The following DCC variants were observed in gnomAD, a reference collection of about 807,000 sequenced individuals.
DCC encodes the protein netrin receptor DCC.
DCC carries 58 observed loss-of-function variants against 172.5 expected under a neutral mutation model. That is an observed-to-expected ratio of 0.34 (90% CI 0.27 to 0.42). The LOEUF (loss-of-function observed/expected upper bound fraction) is 0.42. Ranked by LOEUF, DCC falls within the 10% of genes least tolerant of loss-of-function variation. The pLI is 1.00. For synonymous variants in DCC, 709 were observed against 644.5 expected (o/e 1.10, Z -1.52); for missense variants, 1,740 against 1,791.0 (o/e 0.97, Z 0.51).
At chr18:53,317,566 C>T (rs1599018654) in intron 13 of DCC, among the ~76,000 whole-genome samples, 1 of 152,124 alleles carries the variant, frequency 6.6e-6, no homozygotes, top group Non-Finnish European at 1.5e-5. Context: ...GCCAGCTCAT[C>T]GTTTTACCTG....
At chr18:53,292,503 A>G (rs1469292059) in intron 12 of DCC, among the ~76,000 whole-genome samples, 11 of 152,124 alleles carry the variant, frequency 7.2e-5, no homozygotes, top group Admixed American at 7.2e-4. Flanking sequence ...CCTGCCCAAA[A>G]TGGCAAAACC....
At chr18:53,426,983 C>A (rs1019453991) in intron 21 of DCC, among the ~76,000 whole-genome samples, 1 of 152,118 alleles carries the variant, frequency 6.6e-6, no homozygotes, top group Non-Finnish European at 1.5e-5. Context: ...CCTCTTCTTC[C>A]CGGGATGCTT....
intron 2 of DCC, among the ~76,000 whole-genome samples, chr18:52,823,916 G>A (rs1010282613): frequency 6.6e-6 from 1 of 152,210 alleles, no homozygotes; most frequent in African/African-American, 2.4e-5. Flanking sequence ...TAGAGAAGGT[G>A]TAATGCCTGC....
intron 26 of DCC, among the ~76,000 whole-genome samples, chr18:53,492,829 T>C (rs969521926): frequency 6.6e-6 from 1 of 152,176 alleles, no homozygotes; most frequent in African/African-American, 2.4e-5. Context: ...CCATATGAAA[T>C]TTAAAGTAGT....
intron 1 of DCC, among the ~76,000 whole-genome samples, chr18:52,558,836 A>C (rs2032974127): frequency 6.6e-6 from 1 of 152,210 alleles, no homozygotes; most frequent in South Asian, 2.1e-4. Flanking sequence ...TGTTCTCATA[A>C]ATTAACTGGT....
intron 22 of DCC, among the ~76,000 whole-genome samples, chr18:53,442,821 A>G (rs142147306): frequency 9.8e-5 from 15 of 152,332 alleles, no homozygotes; most frequent in Admixed American, 3.3e-4. Context: ...ACATGAAGAA[A>G]GTTTTTGTGG....
rs954201705 is a variant in DCC, at chr18:53,424,953, C to T, written c.3163+8797C>T. On this transcript the variant is annotated intron_variant, in intron 21 of 28. Transcript: ENST00000442544. ...GAAGGCCTGCCTGCTCCCTTGTATCCCGAGCCCTGGAAACCCATCCACTCT... is the reference window on the plus strand; with the variant it reads ...GAAGGCCTGCCTGCTCCCTTGTATCTCGAGCCCTGGAAACCCATCCACTCT... 2.0e-5 allele frequency among the ~76,000 whole-genome samples: 3 copies of T among 152,162 alleles called. No individual in the cohort carries two copies. In the East Asian group the frequency reaches 5.8e-4, roughly 29 times the overall value.
At chr18:52,563,626 G>A (rs371464855) in intron 1 of DCC, among the ~76,000 whole-genome samples, 59 of 152,130 alleles carry the variant, frequency 3.9e-4, no homozygotes, top group African/African-American at 1.3e-3. Context: ...ATGCCTTTTT[G>A]CATTTGTATA....
At chr18:52,343,791 G>A (rs1020463005) in intron 1 of DCC, among the ~76,000 whole-genome samples, 2 of 152,302 alleles carry the variant, frequency 1.3e-5, no homozygotes, top group Non-Finnish European at 2.9e-5. Context: ...GAGGCTGGTC[G>A]CCCTCCCTAG....
chr18:52,392,947 A>G (rs942911583), intron 1 of DCC, among the ~76,000 whole-genome samples: 1 of 152,064 alleles, frequency 6.6e-6, no homozygotes, highest in African/African-American at 2.4e-5. Flanking sequence ...AATCTTATAC[A>G]GATGTTATTT....
intron 5 of DCC, among the ~76,000 whole-genome samples, chr18:53,048,618 TATATG>T (rs1464769592): frequency 6.6e-6 from 1 of 150,774 alleles, no homozygotes; most frequent in East Asian, 1.9e-4. Context: ...AAAAATGTGA[TATATG>T]ATAAAGAAAA....
chr18:52,841,015 T>TTAG (rs1278139463), intron 2 of DCC, among the ~76,000 whole-genome samples: 1 of 152,076 alleles, frequency 6.6e-6, no homozygotes, highest in East Asian at 1.9e-4. Context: ...GGAAGCTGAT[T>TTAG]TAGGTAGAAT....
intron 19 of DCC, among the ~76,000 whole-genome samples, chr18:53,407,527 G>GTATA (rs1568112623): frequency 6.3e-5 from 2 of 31,918 alleles, no homozygotes; most frequent in Admixed American, 4.2e-4. Flanking sequence ...TTTTTATTCT[G>GTATA]GATATATATA....
intron 1 of DCC, among the ~76,000 whole-genome samples, chr18:52,409,807 T>G (rs1372690470): frequency 1.3e-5 from 2 of 151,954 alleles, no homozygotes; most frequent in African/African-American, 4.8e-5. Context: ...CAAGAGGAGA[T>G]TGTCAGGTAG....
chr18:52,416,171 A>C (rs1399230631), intron 1 of DCC, among the ~76,000 whole-genome samples: 2 of 152,092 alleles, frequency 1.3e-5, no homozygotes, highest in Non-Finnish European at 2.9e-5. Context: ...GTTTCCATGT[A>C]GTTGAGCAGT....
At chr18:53,285,935 G>A in intron 12 of DCC, among the ~76,000 whole-genome samples, 1 of 152,194 alleles carries the variant, frequency 6.6e-6, no homozygotes, top group East Asian at 1.9e-4. Context: ...CATGGGGCCT[G>A]TAGCCCCTTT....
chr18:53,074,174 T>G (rs2042692595), intron 7 of DCC, among the ~76,000 whole-genome samples: 1 of 152,182 alleles, frequency 6.6e-6, no homozygotes, highest in Non-Finnish European at 1.5e-5. Context: ...AAAGTTACTA[T>G]GATTTAACTG....
At chr18:53,246,144 T>C (rs1297660426) in intron 12 of DCC, among the ~76,000 whole-genome samples, 1 of 152,076 alleles carries the variant, frequency 6.6e-6, no homozygotes, top group Non-Finnish European at 1.5e-5. Flanking sequence ...CTCCTTAACC[T>C]TTTGGATTTC....
chr18:52,463,322 G>T (rs1485288861), intron 1 of DCC, among the ~76,000 whole-genome samples: 1 of 151,858 alleles, frequency 6.6e-6, no homozygotes, highest in Non-Finnish European at 1.5e-5. Context: ...CTTCTCGACT[G>T]CACTGGCCAC....
Sources: allele counts gnomAD v4.1 joint callset (sites outside exome capture counted in the v4.1 genomes callset), GRCh38; gene constraint gnomAD v4.1.1; transcripts MANE v1.5; gene names NCBI Gene and HGNC (gene_info 2026-07-23, HGNC 2026-07-21).